RAPGEFL1: variants seen among roughly 807,000 people sequenced by gnomAD.
RAPGEFL1 encodes the protein Rap guanine nucleotide exchange factor like 1, also known as rap guanine nucleotide exchange factor-like 1.
RAPGEFL1 carries 31 observed loss-of-function variants against 64.4 expected under a neutral mutation model. That is an observed-to-expected ratio of 0.48 (90% CI 0.36 to 0.65). RAPGEFL1 has a LOEUF of 0.65. Ranked by LOEUF, RAPGEFL1 falls within the 30% of genes least tolerant of loss-of-function variation. The pLI is 0.00. For missense variants in RAPGEFL1, 682 were observed against 677.4 expected (o/e 1.01, Z -0.08); for synonymous variants, 331 against 274.1 (o/e 1.21, Z -2.05).
At chr17:40,178,512 A>C (rs1208391844) in intron 1 of RAPGEFL1, 131 bp downstream of exon 1, 1 of 416,844 alleles carries the variant, frequency 2.4e-6, no homozygotes, top group African/African-American at 2.1e-5. Context: ...GAAGCCGGCT[A>C]GGGGCCTAGC....
intron 1 of RAPGEFL1, among the ~76,000 whole-genome samples, chr17:40,180,969 C>A (rs1989876633): frequency 6.6e-6 from 1 of 152,206 alleles, no homozygotes; most frequent in African/African-American, 2.4e-5. Context: ...CTGAGCCAGG[C>A]CCAGACGGGG....
chr17:40,183,046 C>A (rs1598439313), intron 2 of RAPGEFL1, among the ~76,000 whole-genome samples: 2 of 152,016 alleles, frequency 1.3e-5, no homozygotes, highest in Admixed American at 1.3e-4. Context: ...TACTCAGGAA[C>A]CTGAGGCAGG....
chr17:40,184,791 T>A, intron 4 of RAPGEFL1, 113 bp downstream of exon 4: 1 of 679,408 alleles, frequency 1.5e-6, no homozygotes, highest in Non-Finnish European at 2.5e-6. Context: ...GTTTGTTTGT[T>A]TGTTTTGAGA....
chr17:40,193,029 G>C (rs369136800), intron 13 of RAPGEFL1, 39 bp downstream of exon 13: 5 of 1,559,038 alleles, frequency 3.2e-6, no homozygotes, highest in South Asian at 1.1e-5. Flanking sequence ...TCCCACAAGT[G>C]GGGGGCTTGC....
Position 40,191,735 on chromosome 17 carries a change from C to A in RAPGEFL1, c.1605+63C>A. On this transcript the variant is annotated intron_variant, in intron 10 of 14. Coordinates refer to ENST00000620260, the MANE Select transcript of RAPGEFL1 (RefSeq NM_016339.6). The surrounding 1 kb of genome is among the most constrained non-coding windows in gnomAD (Gnocchi z 5.1). ...GCATCCCGGGCTCCCCGAAGTGCGT[C>A]CTCCCGGGACGGCCGCCGGCCTGGA... is the stretch of plus-strand genomic sequence containing the variant. The A allele has an allele frequency of 6.6e-7, 1 of 1,506,298 alleles. No homozygotes were observed. Among genetic ancestry groups the A allele is most frequent in the Non-Finnish European group, 9.1e-7 (1 of 1,101,402 alleles). 93.3% of individuals were successfully genotyped at this position (1,506,298 alleles called of 1,614,324 possible).
chr17:40,182,366 C>T (rs1989920268), intron 2 of RAPGEFL1, among the ~76,000 whole-genome samples: 1 of 151,864 alleles, frequency 6.6e-6, no homozygotes, highest in South Asian at 2.1e-4. Context: ...GGCTGGAGTA[C>T]AGTGGTGCGA....
chr17:40,181,285 ACTT>A (rs890080979), intron 1 of RAPGEFL1: 3 of 490,594 alleles, frequency 6.1e-6, no homozygotes, highest in African/African-American at 5.8e-5. Flanking sequence ...TCTGTGGGCT[ACTT>A]CTTTTTTCAG....
In RAPGEFL1 at chr17:40,191,725, C is replaced by T; in HGVS notation, c.1605+53C>T. ...GGGAATCTGGGCATCCCGGGCTCCC[C>T]GAAGTGCGTCCTCCCGGGACGGCCG... On this transcript the variant is annotated intron_variant, in intron 10 of 14. Coordinates refer to ENST00000620260, the MANE Select transcript of RAPGEFL1 (RefSeq NM_016339.6). This position sits in a 1 kb window ranked among gnomAD's most constrained non-coding sequence, Gnocchi z 5.1. 1.3e-6 allele frequency: 2 copies of T among 1,540,772 alleles called. No homozygotes were observed. Among genetic ancestry groups the T allele is most frequent in the East Asian group, 2.3e-5 (1 of 42,874 alleles).
chr17:40,190,617 C>T, intron 7 of RAPGEFL1, 23 bp from the exon 8 acceptor site: 2 of 1,613,994 alleles, frequency 1.2e-6, no homozygotes, highest in Non-Finnish European at 1.7e-6. Flanking sequence ...GAGCCCAGCC[C>T]CTATGCCCCT....
In RAPGEFL1 at chr17:40,190,486, C is replaced by T; in HGVS notation, c.1167C>T (p.Ile389=). The change falls in exon 7 of 15, where the codon ATC becomes ATT. Residue 389 remains isoleucine (I), a synonymous_variant. Coordinates refer to ENST00000620260, the MANE Select transcript of RAPGEFL1 (RefSeq NM_016339.6). ...TEDCVFTALG[I]NSHLFACTRD... The stretch of plus-strand genomic sequence containing the variant: ...ACTGTGTTTTCACCGCACTGGGCAT[C>T]AACAGCCACCTGTTTGCCTGTACTC... 1 of 1,614,166 alleles carries T rather than the reference C, an allele frequency of 6.2e-7. No individual in the cohort carries two copies. Among genetic ancestry groups the T allele is most frequent in the Non-Finnish European group, 8.5e-7 (1 of 1,180,040 alleles).
At chr17:40,193,483 G>A in intron 14 of RAPGEFL1, 66 bp downstream of exon 14, 1 of 1,587,372 alleles carries the variant, frequency 6.3e-7, no homozygotes, top group Non-Finnish European at 8.7e-7. Flanking sequence ...GTTCAGGGGA[G>A]AACTCCCTGT....
chr17:40,193,846 T>G lies in RAPGEFL1; in HGVS notation c.*58T>G, dbSNP rs1990367355. On this transcript the variant is annotated 3_prime_UTR_variant, in exon 15 of 15. Coordinates refer to ENST00000620260, the MANE Select transcript of RAPGEFL1 (RefSeq NM_016339.6). ...TTGGGCACCTGGCACTCAAGCACTT[T>G]GCACGATGTCTCAACCAACATCTGA... 1.2e-6 allele frequency: 2 copies of G among 1,608,734 alleles called. No individual in the cohort carries two copies. The highest frequency in any genetic ancestry group is 1.7e-5 in the Admixed American group (1 of 59,740).
chr17:40,190,895 C>T lies in RAPGEFL1; in HGVS notation c.1335+133C>T. 2.2e-6 allele frequency: 3 copies of T among 1,374,332 alleles called. No individual in the cohort carries two copies. In the South Asian group the frequency reaches 4.2e-5, roughly 19 times the overall value. 85.1% of individuals were successfully genotyped at this position (1,374,332 alleles called of 1,614,324 possible). On this transcript the variant is annotated intron_variant, in intron 8 of 14. Coordinates refer to ENST00000620260, the MANE Select transcript of RAPGEFL1 (RefSeq NM_016339.6). ...GCCCTTGGGCAACGCATGGCCGTAACCTTTGTTCCCCCATCTGAAAAAAAT... is the reference window on the plus strand; with the variant it reads ...GCCCTTGGGCAACGCATGGCCGTAATCTTTGTTCCCCCATCTGAAAAAAAT...
In RAPGEFL1 at chr17:40,177,519, C is replaced by G; in HGVS notation, c.-343C>G. 2 of 589,882 alleles carry G rather than the reference C, an allele frequency of 3.4e-6. No homozygotes were observed. Among genetic ancestry groups the G allele is most frequent in the South Asian group, 3.8e-5 (2 of 52,648 alleles). 36.5% of individuals were successfully genotyped at this position (589,882 alleles called of 1,614,324 possible). A position where few individuals can be genotyped will look rare whatever the true frequency, so the allele number is the denominator to read the frequency against. On this transcript the variant is annotated 5_prime_UTR_variant, in exon 1 of 15. Transcript: ENST00000620260. ...GCGCAGCCGCCGCCGCCGCCGCCGC[C>G]GCGTCCTCTCAGCCTTGCGCTCCGC...
intron 6 of RAPGEFL1, 37 bp downstream of exon 6, chr17:40,189,412 G>C: frequency 6.2e-7 from 1 of 1,608,192 alleles, no homozygotes; most frequent in Non-Finnish European, 8.5e-7. Context: ...TGCTCCGAGA[G>C]GAGAAACTCA....
upstream of RAPGEFL1, chr17:40,177,409 G>A (rs1989740523): frequency 2.1e-6 from 1 of 468,122 alleles, no homozygotes. Flanking sequence ...GCGAGCCGAG[G>A]AAGGGTAGGG....
At chr17:40,187,156 GTTTA>G (rs1990105386) in intron 4 of RAPGEFL1, among the ~76,000 whole-genome samples, 1 of 151,954 alleles carries the variant, frequency 6.6e-6, no homozygotes, top group Non-Finnish European at 1.5e-5. Flanking sequence ...AGATATATTT[GTTTA>G]TTTATATTTT....
At position 40,191,587 on chromosome 17, in the gene RAPGEFL1, A is replaced by G. The variant is rs1447270166; in HGVS notation, c.1520A>G (p.Lys507Arg). 5 of 1,610,168 alleles carry G rather than the reference A, an allele frequency of 3.1e-6. No homozygotes were observed. Among genetic ancestry groups the G allele is most frequent in the Non-Finnish European group, 4.2e-6 (5 of 1,178,858 alleles). Reference protein sequence around the residue: ...KKFIKIAALCKQNQDLLSFYA... With the variant: ...KKFIKIAALCRQNQDLLSFYA... Reference sequence around the variant, plus strand: ...CCCGCCTCCCACCCCCGCAGCTGCAAGCAGAACCAGGACCTGCTGTCTTTC... The same window carrying G: ...CCCGCCTCCCACCCCCGCAGCTGCAGGCAGAACCAGGACCTGCTGTCTTTC... Residue 507 changes from lysine to arginine, a missense_variant, in exon 10 of 15, where the codon AAG (lysine) becomes AGG (arginine). Physicochemically the swap from Lys to Arg is conservative, Grantham distance 26 (BLOSUM62 2). This residue lies in a region of RAPGEFL1 where 411 missense variants were observed against 519.4 expected (regional missense o/e 0.79). Coordinates refer to ENST00000620260, the MANE Select transcript of RAPGEFL1 (RefSeq NM_016339.6). This position sits in a 1 kb window ranked among gnomAD's most constrained non-coding sequence, Gnocchi z 5.1.
chr17:40,181,765 CAG>C, intron 2 of RAPGEFL1, 71 bp downstream of exon 2: 1 of 692,770 alleles, frequency 1.4e-6, no homozygotes, highest in Non-Finnish European at 2.6e-6. Context: ...CATGCAATCT[CAG>C]AGCCTAAACT....
Sources: gnomAD v4.1 joint callset for allele counts (sites outside exome capture counted in the v4.1 genomes callset) on GRCh38, gnomAD v4.1.1 for gene constraint, gnomAD v4.1.1 regional missense constraint, Gnocchi (gnomAD v3.1) non-coding constraint, MANE v1.5 for transcripts, NCBI Gene and HGNC (gene_info 2026-07-23, HGNC 2026-07-21) for gene names.